Variants in SULT2B1 observed in about 807,000 individuals in gnomAD.
SULT2B1 encodes sulfotransferase 2B1.
In SULT2B1, 16 loss-of-function variants were observed where a neutral mutation model predicts 33.2. The ratio of observed to expected loss-of-function variants is 0.48; its 90% CI spans 0.33 to 0.73. SULT2B1 has a LOEUF of 0.73. SULT2B1 is among the 30% of genes least tolerant of loss of function. The pLI, the probability that SULT2B1 is intolerant of heterozygous loss-of-function variation, is 0.02. For missense variants in SULT2B1, 500 were observed against 506.0 expected (o/e 0.99, Z 0.11); for synonymous variants, 186 against 200.5 (o/e 0.93, Z 0.61).
intron 2 of SULT2B1, among the ~76,000 whole-genome samples, chr19:48,584,837 G>C (rs1973541756): frequency 6.6e-6 from 1 of 152,138 alleles, no homozygotes; most frequent in Non-Finnish European, 1.5e-5. Flanking sequence ...GATCACCTGA[G>C]GTCAGGAGTT....
At chr19:48,564,236 C>T (rs777179152) in intron 1 of SULT2B1, among the ~76,000 whole-genome samples, 46 of 150,050 alleles carry the variant, frequency 3.1e-4, no homozygotes, top group Non-Finnish European at 5.3e-4. Flanking sequence ...CAGAGCAAGA[C>T]TCTGTCTCAA....
chr19:48,581,506 TG>T, intron 2 of SULT2B1, among the ~76,000 whole-genome samples: 1 of 140,210 alleles, frequency 7.1e-6, no homozygotes, highest in Admixed American at 7.5e-5. Flanking sequence ...AGTCTCGCTC[TG>T]TCACCTAGGC....
intron 3 of SULT2B1, among the ~76,000 whole-genome samples, chr19:48,587,910 A>G (rs1295998709): frequency 1.4e-5 from 2 of 144,910 alleles, no homozygotes; most frequent in African/African-American, 5.1e-5. Context: ...AAAAAAAAAA[A>G]AAAAAAAAAA....
chr19:48,584,277 G>A (rs73944830), intron 2 of SULT2B1, among the ~76,000 whole-genome samples: 2,614 of 152,302 alleles, frequency 0.017, 82 homozygotes, highest in African/African-American at 0.06. Context: ...GTATGGTCAT[G>A]ACCCACTGGG....
intron 5 of SULT2B1, among the ~76,000 whole-genome samples, chr19:48,595,196 C>T (rs1171554564): frequency 2.0e-5 from 3 of 152,058 alleles, no homozygotes; most frequent in South Asian, 2.1e-4. Flanking sequence ...GCAGGAGAAT[C>T]GCTTGAACCC....
chr19:48,552,825 C>G lies in SULT2B1; in HGVS notation c.71+502C>G, dbSNP rs1306565698. 6.6e-6 allele frequency among the ~76,000 whole-genome samples: 1 copy of G among 151,928 alleles called. No homozygotes were observed. The highest frequency in any genetic ancestry group is 1.5e-5 in the Non-Finnish European group (1 of 67,968). On this transcript the variant is annotated intron_variant, in intron 1 of 6. Coordinates refer to ENST00000201586, the MANE Select transcript of SULT2B1 (RefSeq NM_177973.2). The surrounding 1 kb of genome is among the most constrained non-coding windows in gnomAD (Gnocchi z 4.8). Reference sequence around the variant, plus strand: ...GCACTTGGGGCGGAGAGGGCAGGCTCTGGACTCTTCAGGTCTCCTAACAGT... The same window carrying G: ...GCACTTGGGGCGGAGAGGGCAGGCTGTGGACTCTTCAGGTCTCCTAACAGT...
intron 1 of SULT2B1, among the ~76,000 whole-genome samples, chr19:48,558,700 T>C (rs1381434248): frequency 7.7e-6 from 1 of 129,218 alleles, no homozygotes; most frequent in African/African-American, 2.7e-5. Flanking sequence ...TTTTTTTTTT[T>C]TGAGACAGAG....
chr19:48,565,361 T>C (rs1013442924), intron 1 of SULT2B1, among the ~76,000 whole-genome samples: 6 of 151,820 alleles, frequency 4.0e-5, no homozygotes, highest in Non-Finnish European at 8.8e-5. Flanking sequence ...TTTGTGTGTA[T>C]GTGTGAGAGA....
chr19:48,564,642 C>T (rs983581888), intron 1 of SULT2B1, among the ~76,000 whole-genome samples: 4 of 151,442 alleles, frequency 2.6e-5, no homozygotes, highest in Admixed American at 1.3e-4. Context: ...CTATGCCCAC[C>T]ACCACTAAAA....
intron 1 of SULT2B1, among the ~76,000 whole-genome samples, chr19:48,574,826 C>T (rs1015488299): frequency 2.6e-5 from 4 of 152,236 alleles, no homozygotes; most frequent in Non-Finnish European, 5.9e-5. Flanking sequence ...AATTACCTCA[C>T]TGCGCCTGCC....
rs2147622277 is a variant in SULT2B1 at position 48,587,350 on chromosome 19, C to A, written c.336C>A (p.Ser112Arg). 6.2e-7 allele frequency: 1 copy of A among 1,614,074 alleles called. No individual in the cohort carries two copies. Among genetic ancestry groups the A allele is most frequent in the East Asian group, 2.2e-5 (1 of 44,874 alleles). The change falls in exon 3 of 7, where the codon AGC (serine) becomes AGA (arginine). Residue 112 changes from serine to arginine, a missense_variant. Physicochemically the swap from Ser to Arg is moderately radical, Grantham distance 110. Transcript: ENST00000201586. ...GTGAGACCATTGTGGGTGCCTTCAG[C>A]CTCCCGGACCAGTACAGCCCCCGCC... ...PWCETIVGAF[S>R]LPDQYSPRLM... is the part of the protein sequence containing the mutation.
chr19:48,579,427 C>T (rs538782631), intron 2 of SULT2B1, among the ~76,000 whole-genome samples: 42 of 151,516 alleles, frequency 2.8e-4, no homozygotes, highest in Admixed American at 1.5e-3. Context: ...GGACTACAGG[C>T]GCCCACCACC....
chr19:48,587,717 C>T (rs1317065409), intron 3 of SULT2B1, among the ~76,000 whole-genome samples: 1 of 150,824 alleles, frequency 6.6e-6, no homozygotes, highest in Non-Finnish European at 1.5e-5. Flanking sequence ...CATAGTCAGA[C>T]CACATCATTA....
intron 5 of SULT2B1, among the ~76,000 whole-genome samples, chr19:48,593,122 G>T (rs1973666459): frequency 6.6e-6 from 1 of 152,190 alleles, no homozygotes; most frequent in Non-Finnish European, 1.5e-5. Flanking sequence ...AGTGGTAGTG[G>T]CTCACACCTG....
At chr19:48,576,362 T>TTC (rs1385088128) in intron 2 of SULT2B1, among the ~76,000 whole-genome samples, 1 of 118,624 alleles carries the variant, frequency 8.4e-6, no homozygotes, top group Non-Finnish European at 1.8e-5. Context: ...TACTTCTCTT[T>TTC]TTTTTTTTTT....
intron 1 of SULT2B1, among the ~76,000 whole-genome samples, chr19:48,564,069 C>G (rs1318625669): frequency 6.6e-6 from 1 of 151,614 alleles, no homozygotes; most frequent in Non-Finnish European, 1.5e-5. Context: ...TGGTGAATCC[C>G]CATCTCTACT....
chr19:48,583,675 G>A lies in SULT2B1; in HGVS notation c.215-3554G>A, dbSNP rs570196258. 5.3e-5 allele frequency among the ~76,000 whole-genome samples: 8 copies of A among 152,198 alleles called. No individual in the cohort carries two copies. In the East Asian group the frequency reaches 1.5e-3, roughly 29 times the overall value. ...TCTACTAAAAATACAAAAATTAGCC[G>A]GGCCTGGTGGTGCGCGCCTGTAGTC... On this transcript the variant is annotated intron_variant, in intron 2 of 6. Transcript: ENST00000201586.
chr19:48,555,488 TTC>T (rs982985959), intron 1 of SULT2B1, among the ~76,000 whole-genome samples: 57 of 143,854 alleles, frequency 4.0e-4, no homozygotes, highest in Admixed American at 5.6e-4. Context: ...CAGAGACATC[TTC>T]TCTCTCTCTC....
intron 4 of SULT2B1, 89 bp downstream of exon 4, chr19:48,591,824 GGAGA>G (rs1973647417): frequency 7.0e-7 from 1 of 1,422,868 alleles, no homozygotes; most frequent in Non-Finnish European, 9.3e-7. Context: ...GGTAAGAAAG[GGAGA>G]GAGACAGAGA....
Sources: allele counts gnomAD v4.1 joint callset (sites outside exome capture counted in the v4.1 genomes callset), GRCh38; gene constraint gnomAD v4.1.1; non-coding constraint Gnocchi (gnomAD v3.1); transcripts MANE v1.5; gene names NCBI Gene and HGNC (gene_info 2026-07-23, HGNC 2026-07-21).